CDH18: variants seen among roughly 807,000 people sequenced by gnomAD.
CDH18 encodes the protein cadherin-18.
A neutral mutation model predicts 67.9 loss-of-function variants in CDH18; 31 were observed. That is an observed-to-expected ratio of 0.46 (90% CI 0.34 to 0.62). The LOEUF is 0.62. Ranked by LOEUF, CDH18 falls within the 20% of genes least tolerant of loss-of-function variation. The pLI, the probability that CDH18 is intolerant of heterozygous loss-of-function variation, is 0.01. For missense variants in CDH18, 890 were observed against 975.5 expected, an observed-to-expected ratio of 0.91 and a Z score of 1.17; for synonymous variants, 362 against 347.2, an observed-to-expected ratio of 1.04 and a Z score of -0.48.
At chr5:20,300,297 T>TGTGC (rs757515681) in intron 1 of CDH18, among the ~76,000 whole-genome samples, 8,591 of 68,558 alleles carry the variant, frequency 0.13, 415 homozygotes, top group African/African-American at 0.18. Context: ...TTAAGTTGTG[T>TGTGC]GTGTGCGTGT....
intron 1 of CDH18, among the ~76,000 whole-genome samples, chr5:20,374,063 A>T (rs2150088882): frequency 6.6e-6 from 1 of 152,302 alleles, no homozygotes; most frequent in Non-Finnish European, 1.5e-5. Flanking sequence ...ATACACAGTC[A>T]TTGAATGCTC....
At chr5:20,361,218 T>C (rs954523848) in intron 1 of CDH18, among the ~76,000 whole-genome samples, 44 of 151,998 alleles carry the variant, frequency 2.9e-4, no homozygotes, top group African/African-American at 1.0e-3. Flanking sequence ...AATATGTTAG[T>C]AAGAAATCAA....
intron 2 of CDH18, among the ~76,000 whole-genome samples, chr5:19,996,825 TG>T (rs1736059184): frequency 6.6e-6 from 1 of 152,052 alleles, no homozygotes; most frequent in African/African-American, 2.4e-5. Context: ...AAATTTCTAT[TG>T]TTTTTTCTTA....
intron 1 of CDH18, chr5:20,305,097 A>T: frequency 6.4e-7 from 1 of 1,568,556 alleles, no homozygotes; most frequent in South Asian, 1.1e-5. Flanking sequence ...CGGTAGGGCC[A>T]TTTGCAGCAA....
intron 3 of CDH18, among the ~76,000 whole-genome samples, chr5:19,805,101 C>A (rs1581426811): frequency 3.3e-5 from 5 of 152,058 alleles, no homozygotes; most frequent in Admixed American, 3.3e-4. Context: ...CGTACACCAC[C>A]ACACCTGGCT....
chr5:20,324,094 A>G (rs1304060246), intron 1 of CDH18, among the ~76,000 whole-genome samples: 2 of 152,196 alleles, frequency 1.3e-5, no homozygotes, highest in East Asian at 3.9e-4. Context: ...GTTGTTTTCC[A>G]AATATACTAC....
At chr5:20,194,669 T>TTA (rs1491284756) in intron 2 of CDH18, among the ~76,000 whole-genome samples, 4 of 139,184 alleles carry the variant, frequency 2.9e-5, no homozygotes, top group South Asian at 2.1e-4. Context: ...TTTTTTTTTT[T>TTA]AAAAAGAATG....
chr5:19,728,619 G>A (rs1767177270), intron 4 of CDH18, among the ~76,000 whole-genome samples: 1 of 152,062 alleles, frequency 6.6e-6, no homozygotes, highest in Non-Finnish European at 1.5e-5. Context: ...AGACTTCCTG[G>A]TAAGTTTCTA....
At chr5:19,628,684 A>G (rs552256925) in intron 5 of CDH18, among the ~76,000 whole-genome samples, 1 of 152,138 alleles carries the variant, frequency 6.6e-6, no homozygotes, top group Non-Finnish European at 1.5e-5. Context: ...CTACTCTGAG[A>G]TTATGTCTCA....
At chr5:19,924,708 G>C (rs1792903088) in intron 2 of CDH18, among the ~76,000 whole-genome samples, 1 of 152,134 alleles carries the variant, frequency 6.6e-6, no homozygotes, top group African/African-American at 2.4e-5. Flanking sequence ...TTCATACAAG[G>C]TAAAACACCA....
At chr5:19,614,431 C>G (rs1014655369) in intron 5 of CDH18, among the ~76,000 whole-genome samples, 1 of 150,926 alleles carries the variant, frequency 6.6e-6, no homozygotes, top group Admixed American at 6.6e-5. Context: ...ATGAAAAAGC[C>G]TCAAGCACCC....
intron 2 of CDH18, among the ~76,000 whole-genome samples, chr5:20,220,279 A>G (rs535571505): frequency 3.4e-4 from 51 of 152,154 alleles, no homozygotes; most frequent in African/African-American, 1.2e-3. Flanking sequence ...AAAAACAGAG[A>G]GATAGACCAA....
intron 2 of CDH18, among the ~76,000 whole-genome samples, chr5:20,121,382 T>C (rs1459548601): frequency 1.3e-5 from 2 of 152,140 alleles, no homozygotes. Flanking sequence ...GTTTAAAATG[T>C]GTAGATTCAT....
At chr5:20,101,848 C>A (rs1325759588) in intron 2 of CDH18, among the ~76,000 whole-genome samples, 3 of 152,080 alleles carry the variant, frequency 2.0e-5, no homozygotes, top group African/African-American at 7.2e-5. Flanking sequence ...CCGAGGCGGG[C>A]GGGTCACAAG....
intron 1 of CDH18, among the ~76,000 whole-genome samples, chr5:20,505,002 C>T (rs1352807685): frequency 2.0e-5 from 3 of 151,836 alleles, no homozygotes; most frequent in Non-Finnish European, 4.4e-5. Context: ...CTCCTGACCT[C>T]GTGATCCAGC....
intron 1 of CDH18, among the ~76,000 whole-genome samples, chr5:20,357,906 C>T (rs969180655): frequency 1.3e-5 from 2 of 151,796 alleles, no homozygotes; most frequent in African/African-American, 4.8e-5. Context: ...AGATGCTCAT[C>T]AACAGTGTGC....
intron 2 of CDH18, among the ~76,000 whole-genome samples, chr5:20,146,881 C>T (rs911693968): frequency 6.6e-6 from 1 of 151,990 alleles, no homozygotes; most frequent in Non-Finnish European, 1.5e-5. Flanking sequence ...GACAGACTCT[C>T]ATTTCTACAT....
At chr5:20,425,824 C>T (rs1169951253) in intron 1 of CDH18, among the ~76,000 whole-genome samples, 1 of 150,954 alleles carries the variant, frequency 6.6e-6, no homozygotes, top group Non-Finnish European at 1.5e-5. Context: ...TAATCTTATA[C>T]TTTAAAGAAT....
At chr5:19,916,212 T>G (rs545185526) in intron 2 of CDH18, among the ~76,000 whole-genome samples, 2 of 152,158 alleles carry the variant, frequency 1.3e-5, no homozygotes, top group South Asian at 2.1e-4. Flanking sequence ...TGCCAGCCCA[T>G]AGAGCACTGC....
Sources: allele counts gnomAD v4.1 joint callset (sites outside exome capture counted in the v4.1 genomes callset), GRCh38; gene constraint gnomAD v4.1.1; transcripts MANE v1.5; gene names NCBI Gene and HGNC (gene_info 2026-07-23, HGNC 2026-07-21).